CNOT6: variants seen among roughly 807,000 people sequenced by gnomAD.
CNOT6 encodes the protein CCR4-NOT transcription complex subunit 6.
Under a neutral mutation model 61.2 loss-of-function variants are expected in CNOT6, and 12 were observed. That is an observed-to-expected ratio of 0.20 (90% confidence interval 0.13 to 0.32). The LOEUF is 0.32. Ranked by LOEUF, CNOT6 falls within the 10% of genes least tolerant of loss-of-function variation. The pLI, the probability that CNOT6 is intolerant of heterozygous loss-of-function variation, is 1.00. For synonymous variants in CNOT6, 225 were observed against 240.6 expected, an observed-to-expected ratio of 0.94 and a Z score of 0.60; for missense variants, 405 against 663.9, an observed-to-expected ratio of 0.61 and a Z score of 4.28.
At chr5:180,507,268 T>C (rs1757169536) in intron 1 of CNOT6, among the ~76,000 whole-genome samples, 2 of 152,214 alleles carry the variant, frequency 1.3e-5, no homozygotes, top group Admixed American at 1.3e-4. Context: ...TAAATGAGCC[T>C]GGGTTTCCTG....
intron 4 of CNOT6, among the ~76,000 whole-genome samples, chr5:180,553,815 CAT>C (rs1448924574): frequency 2.0e-5 from 3 of 152,144 alleles, no homozygotes; most frequent in East Asian, 1.9e-4. Context: ...TGGAGCCTCT[CAT>C]ATAGTACAGA....
chr5:180,499,384 A>G (rs1756763743), intron 1 of CNOT6, among the ~76,000 whole-genome samples: 1 of 152,216 alleles, frequency 6.6e-6, no homozygotes, highest in African/African-American at 2.4e-5. Context: ...TTAAAAAGTT[A>G]CCAGTATCCT....
Position 180,567,256 on chromosome 5 carries a change from T to A in CNOT6, c.872+14T>A, listed in dbSNP as rs750643679. The A allele has an allele frequency of 1.4e-5, 22 of 1,592,556 alleles. No individual in the cohort carries two copies. The highest frequency in any genetic ancestry group is 1.7e-5 in the Non-Finnish European group (20 of 1,173,732). On this transcript the variant is annotated intron_variant, in intron 8 of 11. Transcript: ENST00000261951. ...CAAGACAGAAAAGTAAGTCATCTTATTTTTTAAAAAGAACGTTTTCTCAGT... is the reference window on the plus strand; with the variant it reads ...CAAGACAGAAAAGTAAGTCATCTTAATTTTTAAAAAGAACGTTTTCTCAGT...
At chr5:180,571,188 T>C in intron 10 of CNOT6, 42 bp from the exon 11 acceptor site, 3 of 1,348,368 alleles carry the variant, frequency 2.2e-6, no homozygotes, top group Non-Finnish European at 2.1e-6. Context: ...AAAATTACTT[T>C]TTGTATATAT....
rs763385738 is a variant in CNOT6, at chr5:180,509,339, T to TA, written c.-3+14577dup. Among the ~76,000 whole-genome samples the TA allele has an allele frequency of 2.4e-4, 36 of 152,166 alleles. 1 individual carries two copies. The highest frequency in any genetic ancestry group is 4.6e-4 in the Non-Finnish European group (31 of 68,000). On this transcript the variant is annotated intron_variant, in intron 1 of 11. Coordinates refer to ENST00000261951, the MANE Select transcript of CNOT6 (RefSeq NM_001370472.1). Reference sequence around the variant, plus strand: ...TTCTACAGACCAGGTTTTGCCATGTTACTGGTCTTGAACTCCTGGGCTCAA... The same window carrying TA: ...TTCTACAGACCAGGTTTTGCCATGTTAACTGGTCTTGAACTCCTGGGCTCAA...
chr5:180,555,904 C>A (rs1205119283), intron 4 of CNOT6, among the ~76,000 whole-genome samples: 1 of 152,098 alleles, frequency 6.6e-6, no homozygotes, highest in Non-Finnish European at 1.5e-5. Context: ...TTTTTCCCCC[C>A]ACATTTTTAA....
chr5:180,574,150 C>A lies in CNOT6; in HGVS notation c.1624C>A (p.Leu542Met). Residue 542 changes from leucine to methionine, a missense_variant, in exon 12 of 12, where the codon CTG becomes ATG. Physicochemically the swap from Leu to Met is conservative, Grantham distance 15. This residue lies in a region of CNOT6 where 52 missense variants were observed against 69.3 expected (regional missense o/e 0.75). Transcript: ENST00000261951. ...ACTTTTTGCACAACTGGAGCTCTTA[C>A]TGCCTTTCCTGCCCCAAGTCAACGG... ...FSLFAQLELL[L>M]PFLPQVNGIH... is the part of the protein sequence containing the mutation. The A allele has an allele frequency of 1.2e-6, 2 of 1,614,156 alleles. No homozygotes were observed. Among genetic ancestry groups the A allele is most frequent in the Non-Finnish European group, 1.7e-6 (2 of 1,180,028 alleles).
At position 180,573,976 on chromosome 5, in the gene CNOT6, G is replaced by T. The variant is rs1371725612; in HGVS notation, c.1462-12G>T. 6 of 1,579,040 alleles carry T rather than the reference G, an allele frequency of 3.8e-6. No homozygotes were observed. The highest frequency in any genetic ancestry group is 1.4e-5 in the African/African-American group (1 of 74,006). ...TTATACGGTGCTTATCTTTTTTTCTGTTGTTTTTCAGGGTATAATAGACTA... is the reference window on the plus strand; with the variant it reads ...TTATACGGTGCTTATCTTTTTTTCTTTTGTTTTTCAGGGTATAATAGACTA... On this transcript the variant is annotated splice_polypyrimidine_tract_variant and intron_variant, in intron 11 of 11. Transcript: ENST00000261951.
At chr5:180,525,742 C>T (rs932306343) in intron 1 of CNOT6, among the ~76,000 whole-genome samples, 1 of 151,808 alleles carries the variant, frequency 6.6e-6, no homozygotes, top group African/African-American at 2.4e-5. Context: ...GCAGGAAGAA[C>T]TAGAAAAAAC....
chr5:180,571,103 G>A, intron 10 of CNOT6, 127 bp from the exon 11 acceptor site: 1 of 656,382 alleles, frequency 1.5e-6, no homozygotes, highest in Non-Finnish European at 2.6e-6. Flanking sequence ...GCAAGTCCTG[G>A]CAAATGTAAA....
In CNOT6 at chr5:180,567,831, GTGT is replaced by G; in HGVS notation, c.873-13_873-11del. The G allele has an allele frequency of 1.2e-6, 2 of 1,613,976 alleles. No homozygotes were observed. Among genetic ancestry groups the G allele is most frequent in the Non-Finnish European group, 1.7e-6 (2 of 1,179,948 alleles). On this transcript the variant is annotated splice_polypyrimidine_tract_variant and intron_variant, in intron 8 of 11. Coordinates refer to ENST00000261951, the MANE Select transcript of CNOT6 (RefSeq NM_001370472.1). ...TTCCCAACTCTGTGTGTGTGTGTGT[GTGT>G]TGTTTTTGTTTTAGATTTACTTTGG... is the stretch of plus-strand genomic sequence containing the variant.
At chr5:180,519,946 G>A (rs564174374) in intron 1 of CNOT6, among the ~76,000 whole-genome samples, 56 of 151,134 alleles carry the variant, frequency 3.7e-4, no homozygotes, top group African/African-American at 1.3e-3. Context: ...GGATTCTCCT[G>A]CCTTAGCCCC....
intron 1 of CNOT6, among the ~76,000 whole-genome samples, chr5:180,503,422 C>A: frequency 6.6e-6 from 1 of 151,640 alleles, no homozygotes. Flanking sequence ...CGCCACCATG[C>A]CTGGCTAATT....
Position 180,541,142 on chromosome 5 carries a change from A to AT in CNOT6, c.113-8775dup, listed in dbSNP as rs869042995. 2.7e-3 allele frequency among the ~76,000 whole-genome samples: 387 copies of AT among 145,868 alleles called. 2 individuals are homozygous for AT. Among genetic ancestry groups the AT allele is most frequent in the African/African-American group, 7.0e-3 (282 of 40,092 alleles). On this transcript the variant is annotated intron_variant, in intron 2 of 11. Coordinates refer to ENST00000261951, the MANE Select transcript of CNOT6 (RefSeq NM_001370472.1). ...TTCTTCTTTTTAAATTAAATTAAGA[A>AT]TTTTTTTTTTTTTTAAGATGGAGTC...
chr5:180,516,894 C>A (rs575318844), intron 1 of CNOT6, among the ~76,000 whole-genome samples: 2 of 152,152 alleles, frequency 1.3e-5, no homozygotes, highest in Non-Finnish European at 2.9e-5. Flanking sequence ...TGGCCAGTTC[C>A]TCTAGTTTTC....
At chr5:180,514,968 C>T (rs768101190) in intron 1 of CNOT6, among the ~76,000 whole-genome samples, 4 of 151,962 alleles carry the variant, frequency 2.6e-5, no homozygotes, top group African/African-American at 9.7e-5. Context: ...CTGTGGTAAA[C>T]GTATGGTGTG....
intron 1 of CNOT6, among the ~76,000 whole-genome samples, chr5:180,519,898 A>G (rs560097153): frequency 1.8e-4 from 27 of 150,594 alleles, no homozygotes; most frequent in African/African-American, 6.6e-4. Context: ...CAGTGGCTCA[A>G]TCTCTGCTCA....
intron 2 of CNOT6, among the ~76,000 whole-genome samples, chr5:180,536,679 C>G (rs1425735605): frequency 1.3e-5 from 2 of 152,230 alleles, no homozygotes; most frequent in African/African-American, 4.8e-5. Context: ...GATGCCATCT[C>G]GGCTCACTGC....
intron 2 of CNOT6, among the ~76,000 whole-genome samples, chr5:180,530,215 T>A (rs1016262287): frequency 5.3e-5 from 8 of 152,350 alleles, no homozygotes; most frequent in African/African-American, 1.9e-4. Flanking sequence ...TTTTTAAAAA[T>A]TTAATGCAGC....
Sources: gnomAD v4.1 joint callset for allele counts (sites outside exome capture counted in the v4.1 genomes callset) on GRCh38, gnomAD v4.1.1 for gene constraint, gnomAD v4.1.1 regional missense constraint, MANE v1.5 for transcripts, NCBI Gene and HGNC (gene_info 2026-07-23, HGNC 2026-07-21) for gene names.